The following NRK variants were observed in gnomAD, a reference collection of about 807,000 sequenced individuals.
The protein encoded by NRK is nik-related protein kinase.
NRK carries 67 observed loss-of-function variants against 125.2 expected under a neutral mutation model. The observed-to-expected ratio is 0.54, with a 90% confidence interval of 0.44 to 0.66. The LOEUF (loss-of-function observed/expected upper bound fraction) is 0.66. Among genes scored for constraint, NRK ranks in the 30% least tolerant of loss-of-function variants. The pLI is 0.00. For synonymous variants in NRK, 458 were observed against 429.0 expected (o/e 1.07, Z -0.84); for missense variants, 1,224 against 1,192.9 (o/e 1.03, Z -0.38).
In NRK at chrX:105,880,271, G is replaced by A; in HGVS notation, c.180+16G>A. 1.1e-6 allele frequency: 1 copy of A among 894,571 alleles called. No homozygotes were observed. Among genetic ancestry groups the A allele is most frequent in the Non-Finnish European group, 1.5e-6 (1 of 655,459 alleles). The allele number at this position is 894,571 out of a possible 1,213,427, so 73.7% of individuals were successfully genotyped here. A position where few individuals can be genotyped will look rare whatever the true frequency, so the allele number is the denominator to read the frequency against. On this transcript the variant is annotated intron_variant, in intron 3 of 28. Transcript: ENST00000243300. ...CGCTCGTAAGGTAATATTATAAATTGCCTGTATTCTCTTCCCTTAGTGGAC... is the reference window on the plus strand; with the variant it reads ...CGCTCGTAAGGTAATATTATAAATTACCTGTATTCTCTTCCCTTAGTGGAC...
At chrX:105,866,174 A>C (rs192420587) in intron 2 of NRK, among the ~76,000 whole-genome samples, 1 of 111,632 alleles carries the variant, frequency 9.0e-6, no homozygotes, top group African/African-American at 3.2e-5. Flanking sequence ...CTATTAGAAT[A>C]TCAGAACTTC....
intron 9 of NRK, among the ~76,000 whole-genome samples, chrX:105,901,224 A>G (rs1278198842): frequency 4.6e-5 from 5 of 109,058 alleles, no homozygotes; most frequent in African/African-American, 6.7e-5. Context: ...CTCAGCGCCC[A>G]TTTCATCTTC....
intron 2 of NRK, among the ~76,000 whole-genome samples, chrX:105,859,039 G>T (rs1274331268): frequency 9.0e-6 from 1 of 111,409 alleles, no homozygotes; most frequent in African/African-American, 3.3e-5. Flanking sequence ...CTCAGTGTAA[G>T]AGAATATACT....
At chrX:105,851,339 C>T (rs1172740581) in intron 2 of NRK, among the ~76,000 whole-genome samples, 1 of 111,943 alleles carries the variant, frequency 8.9e-6, no homozygotes, top group Non-Finnish European at 1.9e-5. Context: ...TATTACTTTT[C>T]TCAGATGGTG....
intron 22 of NRK, among the ~76,000 whole-genome samples, chrX:105,938,311 TTTA>T (rs1473093766): frequency 8.9e-6 from 1 of 111,880 alleles, no homozygotes. Flanking sequence ...GTTTATGTAT[TTTA>T]TTATATATAA....
At chrX:105,902,802 A>T (rs1040411496) in intron 9 of NRK, among the ~76,000 whole-genome samples, 30 of 111,299 alleles carry the variant, frequency 2.7e-4, no homozygotes, top group African/African-American at 9.8e-4. Flanking sequence ...TGAGAATCCA[A>T]CTCATGCCTG....
chrX:105,902,918 G>A (rs1178877272), intron 9 of NRK, among the ~76,000 whole-genome samples: 1 of 111,422 alleles, frequency 9.0e-6, no homozygotes, highest in Non-Finnish European at 1.9e-5. Flanking sequence ...AAAGTTTGGG[G>A]ACCACTGTTG....
At chrX:105,910,678 G>A (rs1338684310) in intron 13 of NRK, among the ~76,000 whole-genome samples, 2 of 111,401 alleles carry the variant, frequency 1.8e-5, no homozygotes, top group Non-Finnish European at 3.8e-5. Context: ...CTGGGATGGG[G>A]TTTTTAAGGG....
At chrX:105,912,603 AT>A (rs1433715200) in intron 13 of NRK, 44 bp from the exon 14 acceptor site, 1 of 657,638 alleles carries the variant, frequency 1.5e-6, no homozygotes, top group Non-Finnish European at 2.2e-6. Context: ...TATCACTTGC[AT>A]TTTAACAACA....
intron 9 of NRK, among the ~76,000 whole-genome samples, chrX:105,903,215 C>G (rs2040181696): frequency 9.0e-6 from 1 of 111,080 alleles, no homozygotes; most frequent in Non-Finnish European, 1.9e-5. Flanking sequence ...GTCAACTTGC[C>G]TTAACCTGGA....
At position 105,909,618 on chromosome X, in the gene NRK, T is replaced by C. The variant is rs750858581; in HGVS notation, c.1977T>C (p.Leu659=). 3.3e-6 allele frequency: 4 copies of C among 1,203,989 alleles called. No individual in the cohort carries two copies. The highest frequency in any genetic ancestry group is 3.4e-6 in the Non-Finnish European group (3 of 891,214). Reference sequence around the variant, plus strand: ...CAAACTCAAATAACTCAAAGCCACTTGGTCCGTTGCAAACCCTGATGGAAA... The same window carrying C: ...CAAACTCAAATAACTCAAAGCCACTCGGTCCGTTGCAAACCCTGATGGAAA... ...RAPNSNNSKP[L]GPLQTLMENL... The change falls in exon 13 of 29, where the codon CTT becomes CTC. Residue 659 remains leucine, a synonymous_variant. Coordinates refer to ENST00000243300, the MANE Select transcript of NRK (RefSeq NM_198465.4).
intron 9 of NRK, among the ~76,000 whole-genome samples, chrX:105,903,361 G>A (rs2040183127): frequency 9.0e-6 from 1 of 111,314 alleles, no homozygotes; most frequent in African/African-American, 3.3e-5. Flanking sequence ...CTTTACCTGA[G>A]TGCATTGTGG....
rs2040479269 is a variant in NRK, at chrX:105,923,426, C to T, written c.2919C>T (p.Asn973=). 8.7e-7 allele frequency: 1 copy of T among 1,149,482 alleles called. No homozygotes were observed. The highest frequency in any genetic ancestry group is 1.8e-5 in the African/African-American group (1 of 55,751). The allele number at this position is 1,149,482 out of a possible 1,213,427, so 94.7% of individuals were successfully genotyped here. The change falls in exon 18 of 29, where the codon AAC becomes AAT. Residue 973 remains asparagine (N), a synonymous_variant. Transcript: ENST00000243300. ...TTTGTAAAGACCATGATGATGACAA[C>T]AATAAGTTTGTTGATGATGTAAATA... The part of the protein sequence containing the change: ...NDVCKDHDDD[N]NKFVDDVNNN...
chrX:105,894,352 T>C (rs777236670), intron 6 of NRK, among the ~76,000 whole-genome samples: 1 of 112,318 alleles, frequency 8.9e-6, no homozygotes, highest in African/African-American at 3.2e-5. Flanking sequence ...TGTAGCCTTT[T>C]GGCAGACAAA....
Position 105,909,685 on chromosome X carries a change from C to G in NRK, c.2044C>G (p.Arg682Gly). The G allele has an allele frequency of 5.1e-6, 6 of 1,187,896 alleles. No homozygotes were observed. The highest frequency in any genetic ancestry group is 6.8e-6 in the Non-Finnish European group (6 of 882,690). ...GTTTTACTCACAACCAGAACAGGCA[C>G]GGGAGAAAAAATCAAAAGTTTCTAC... ...NRFYSQPEQA[R>G]EKKSKVSTLR... Residue 682 changes from arginine (R) to glycine (G), a missense_variant, in exon 13 of 29, where the codon CGG (arginine) becomes GGG (glycine). Arg to Gly is a moderately radical substitution (Grantham distance 125). Coordinates refer to ENST00000243300, the MANE Select transcript of NRK (RefSeq NM_198465.4).
At chrX:105,827,920 G>A (rs2039135883) in intron 1 of NRK, among the ~76,000 whole-genome samples, 1 of 111,496 alleles carries the variant, frequency 9.0e-6, no homozygotes, top group Admixed American at 9.6e-5. Flanking sequence ...ATCTCAAGGT[G>A]GCAGGGCAGA....
intron 19 of NRK, among the ~76,000 whole-genome samples, chrX:105,927,570 A>G (rs766368155): frequency 5.4e-5 from 6 of 111,451 alleles, no homozygotes; most frequent in Non-Finnish European, 9.5e-5. Context: ...CTTAGAGGAA[A>G]GAATTTCAGC....
chrX:105,837,836 A>C (rs1351965837), intron 2 of NRK, among the ~76,000 whole-genome samples: 1 of 111,323 alleles, frequency 9.0e-6, no homozygotes, highest in Non-Finnish European at 1.9e-5. Flanking sequence ...GTTGGAACTC[A>C]TTTTTAATGG....
At chrX:105,922,814 A>T (rs1215438374) in intron 17 of NRK, among the ~76,000 whole-genome samples, 1 of 111,370 alleles carries the variant, frequency 9.0e-6, no homozygotes, top group African/African-American at 3.3e-5. Context: ...ATTTTTAAGG[A>T]GCATCAAATC....
Sources: allele counts gnomAD v4.1 joint callset (sites outside exome capture counted in the v4.1 genomes callset), GRCh38; gene constraint gnomAD v4.1.1; transcripts MANE v1.5; gene names NCBI Gene and HGNC (gene_info 2026-07-23, HGNC 2026-07-21).